The following OSBPL6 variants were observed in gnomAD, a reference collection of about 807,000 sequenced individuals.
The protein encoded by OSBPL6 is oxysterol binding protein like 6.
Under a neutral mutation model 125.8 loss-of-function variants are expected in OSBPL6, and 49 were observed. The observed-to-expected ratio is 0.39, with a 90% CI of 0.31 to 0.49. The LOEUF is 0.49. Ranked by LOEUF, OSBPL6 falls within the 20% of genes least tolerant of loss-of-function variation. The pLI, the probability that OSBPL6 is intolerant of heterozygous loss-of-function variation, is 0.88. For missense variants in OSBPL6, 986 were observed against 1,135.4 expected (o/e 0.87, Z 1.89); for synonymous variants, 394 against 391.8 (o/e 1.01, Z -0.07).
intron 1 of OSBPL6, among the ~76,000 whole-genome samples, chr2:178,198,767 G>A (rs75123156): frequency 0.026 from 3,951 of 152,224 alleles, 177 homozygotes; most frequent in African/African-American, 0.089. Flanking sequence ...TAACTCTCCA[G>A]TTGTGTCAAA....
intron 15 of OSBPL6, among the ~76,000 whole-genome samples, chr2:178,375,907 T>TG (rs1693835688): frequency 6.6e-6 from 1 of 152,128 alleles, no homozygotes; most frequent in Admixed American, 6.5e-5. Context: ...ATGAAGAGGA[T>TG]GTGAAGCAGG....
intron 15 of OSBPL6, among the ~76,000 whole-genome samples, chr2:178,380,657 T>C (rs1193490770): frequency 6.6e-6 from 1 of 152,012 alleles, no homozygotes; most frequent in African/African-American, 2.4e-5. Flanking sequence ...AAGTGACCCA[T>C]CTGATCTAGA....
chr2:178,371,659 C>G (rs1415091747), intron 13 of OSBPL6, among the ~76,000 whole-genome samples: 1 of 152,178 alleles, frequency 6.6e-6, no homozygotes, highest in Non-Finnish European at 1.5e-5. Flanking sequence ...ATTCTATAAA[C>G]TAAAGCCAGT....
At chr2:178,243,911 A>G (rs2091393283) in intron 1 of OSBPL6, among the ~76,000 whole-genome samples, 1 of 152,184 alleles carries the variant, frequency 6.6e-6, no homozygotes, top group South Asian at 2.1e-4. Flanking sequence ...TCAGCCTCCC[A>G]AAGTGTTGGG....
chr2:178,207,582 G>T (rs1176499591), intron 1 of OSBPL6, among the ~76,000 whole-genome samples: 1 of 152,158 alleles, frequency 6.6e-6, no homozygotes, highest in Non-Finnish European at 1.5e-5. Flanking sequence ...AACTGCAGTT[G>T]GTTTTTCCAG....
At chr2:178,255,677 A>C (rs928913417) in intron 1 of OSBPL6, among the ~76,000 whole-genome samples, 2 of 152,140 alleles carry the variant, frequency 1.3e-5, no homozygotes, top group African/African-American at 4.8e-5. Context: ...CTCTCACCTT[A>C]ACTTCCTTCA....
At chr2:178,339,793 G>A (rs757714496) in intron 11 of OSBPL6, 29 bp downstream of exon 11, 45 of 1,525,784 alleles carry the variant, frequency 2.9e-5, no homozygotes, top group Admixed American at 3.9e-5. Context: ...CTTCATTCAC[G>A]TTTCTACATA....
intron 1 of OSBPL6, among the ~76,000 whole-genome samples, chr2:178,233,465 T>G (rs2090920542): frequency 6.6e-6 from 1 of 152,234 alleles, no homozygotes; most frequent in South Asian, 2.1e-4. Context: ...CCTTCATTTC[T>G]GGCAGTTCTG....
intron 1 of OSBPL6, among the ~76,000 whole-genome samples, chr2:178,208,066 C>T (rs1574483517): frequency 6.6e-6 from 1 of 152,018 alleles, no homozygotes; most frequent in Admixed American, 6.6e-5. Context: ...GGGCGGATCA[C>T]CTGAGGTCAG....
At chr2:178,219,001 C>T (rs922598467) in intron 1 of OSBPL6, among the ~76,000 whole-genome samples, 2 of 151,940 alleles carry the variant, frequency 1.3e-5, no homozygotes, top group Non-Finnish European at 2.9e-5. Context: ...TTTATTCTCT[C>T]CACTCCTGAC....
chr2:178,395,772 TAAAAAA>T lies in OSBPL6; in HGVS notation c.*236_*241del, dbSNP rs746653123. 1.1e-3 allele frequency: 264 copies of T among 243,178 alleles called. No individual in the cohort carries two copies. The highest frequency in any genetic ancestry group is 1.6e-3 in the South Asian group (62 of 38,408). 15.1% of individuals were successfully genotyped at this position (243,178 alleles called of 1,614,324 possible). ...TCTGTTTTGCTGCAACCATATTCCT[TAAAAAA>T]AAAAAAAAAAAAAAAAAAAAAATCC... On this transcript the variant is annotated 3_prime_UTR_variant, in exon 25 of 25. Coordinates refer to ENST00000190611, the MANE Select transcript of OSBPL6 (RefSeq NM_032523.4).
intron 11 of OSBPL6, among the ~76,000 whole-genome samples, chr2:178,345,484 G>A (rs767860168): frequency 7.2e-5 from 11 of 152,176 alleles, no homozygotes; most frequent in Non-Finnish European, 1.3e-4. Flanking sequence ...TTAGGGAAAT[G>A]ACTCTTAAAC....
intron 14 of OSBPL6, 148 bp downstream of exon 14, chr2:178,372,381 A>C: frequency 9.0e-6 from 5 of 558,410 alleles, no homozygotes; most frequent in South Asian, 5.2e-5. Flanking sequence ...GTGTTCTTTG[A>C]AGTAAAGGTT....
chr2:178,284,578 C>T (rs142908957), intron 1 of OSBPL6, among the ~76,000 whole-genome samples: 3,069 of 152,078 alleles, frequency 0.02, 51 homozygotes, highest in Middle Eastern at 0.061. Context: ...AACAAAAAAG[C>T]CCTGTTGAGG....
At chr2:178,328,609 T>A (rs1688912207) in intron 5 of OSBPL6, among the ~76,000 whole-genome samples, 1 of 152,178 alleles carries the variant, frequency 6.6e-6, no homozygotes, top group African/African-American at 2.4e-5. Flanking sequence ...CACCTCAGCC[T>A]CCTGAGTAGC....
rs149459776 is a variant in OSBPL6, at chr2:178,342,841, A to G, written c.987+3077A>G. Among the ~76,000 whole-genome samples, 3 of 152,326 alleles carry G rather than the reference A, an allele frequency of 2.0e-5. No individual in the cohort carries two copies. The East Asian group carries it at 5.8e-4, about 29-fold the overall frequency. On this transcript the variant is annotated intron_variant, in intron 11 of 24. Transcript: ENST00000190611. The stretch of plus-strand genomic sequence containing the variant: ...GGGAATGAGGAATAGTAGAAAGTAC[A>G]TAGTAGCAGACAGATGATCTTATGT...
At chr2:178,223,072 T>A (rs937664373) in intron 1 of OSBPL6, among the ~76,000 whole-genome samples, 1 of 152,230 alleles carries the variant, frequency 6.6e-6, no homozygotes, top group African/African-American at 2.4e-5. Flanking sequence ...AACACTGTGA[T>A]GAACATCTTT....
intron 11 of OSBPL6, among the ~76,000 whole-genome samples, chr2:178,340,090 T>C (rs2154082284): frequency 6.6e-6 from 1 of 152,272 alleles, no homozygotes; most frequent in South Asian, 2.1e-4. Context: ...TCTAGTGGGT[T>C]ATAATGAACA....
At position 178,384,022 on chromosome 2, in the gene OSBPL6, C is replaced by A. The variant is rs746535412; in HGVS notation, c.1876-17C>A. The A allele has an allele frequency of 2.4e-5, 38 of 1,611,762 alleles. No homozygotes were observed. The East Asian group carries it at 8.0e-4, about 34-fold the overall frequency. ...CGTCTCTCCTATATTATTCCCTTTT[C>A]TTCAATGTTTTAACAGGTTCTCGTT... On this transcript the variant is annotated splice_polypyrimidine_tract_variant and intron_variant, in intron 17 of 24. Coordinates refer to ENST00000190611, the MANE Select transcript of OSBPL6 (RefSeq NM_032523.4).
Sources: allele counts gnomAD v4.1 joint callset (sites outside exome capture counted in the v4.1 genomes callset), GRCh38; gene constraint gnomAD v4.1.1; transcripts MANE v1.5; gene names NCBI Gene and HGNC (gene_info 2026-07-23, HGNC 2026-07-21).